LHFPL3: variants seen among roughly 807,000 people sequenced by gnomAD.
LHFPL3 encodes the protein LHFPL tetraspan subfamily member 3 protein.
Under a neutral mutation model 19.3 loss-of-function variants are expected in LHFPL3, and 5 were observed. The observed-to-expected ratio is 0.26, with a 90% CI of 0.14 to 0.54. LHFPL3 has a LOEUF of 0.54. Ranked by LOEUF, LHFPL3 falls within the 20% of genes least tolerant of loss-of-function variation. LHFPL3 has a pLI of 0.94. For missense variants in LHFPL3, 249 were observed against 307.4 expected (o/e 0.81, Z 1.42); for synonymous variants, 133 against 126.2 (o/e 1.05, Z -0.36).
intron 1 of LHFPL3, among the ~76,000 whole-genome samples, chr7:104,388,400 T>G (rs1790992726): frequency 6.6e-6 from 1 of 151,760 alleles, no homozygotes; most frequent in South Asian, 2.1e-4. Context: ...GGATCCTCAA[T>G]AAGACATACA....
chr7:104,905,889 G>A (rs1792589663), intron 2 of LHFPL3, among the ~76,000 whole-genome samples: 2 of 152,220 alleles, frequency 1.3e-5, no homozygotes, highest in South Asian at 4.1e-4. Context: ...AGAAAAGTCA[G>A]TGATACTTGG....
At chr7:104,646,766 C>CA (rs1232187597) in intron 1 of LHFPL3, among the ~76,000 whole-genome samples, 3 of 152,274 alleles carry the variant, frequency 2.0e-5, no homozygotes, top group Admixed American at 1.3e-4. Flanking sequence ...ACTTAGAATA[C>CA]AGAAATGAAA....
chr7:104,884,119 T>TA (rs1792103154), intron 2 of LHFPL3, among the ~76,000 whole-genome samples: 1 of 152,162 alleles, frequency 6.6e-6, no homozygotes, highest in Non-Finnish European at 1.5e-5. Flanking sequence ...AGCTCATTAA[T>TA]ACCTATACCG....
chr7:104,665,729 C>T (rs1792320231), intron 1 of LHFPL3, among the ~76,000 whole-genome samples: 1 of 152,214 alleles, frequency 6.6e-6, no homozygotes, highest in African/African-American at 2.4e-5. Flanking sequence ...ATTTCAGATG[C>T]ATGAAAGATG....
At chr7:104,901,554 C>CTTTTTTGT (rs74923760) in intron 2 of LHFPL3, among the ~76,000 whole-genome samples, 72,027 of 150,712 alleles carry the variant, frequency 0.48, 17,885 homozygotes, top group African/African-American at 0.59. Context: ...AGGGGGCAAG[C>CTTTTTTGT]TTTTTTGTTT....
chr7:104,403,626 C>A (rs959034778), intron 1 of LHFPL3, among the ~76,000 whole-genome samples: 2 of 152,026 alleles, frequency 1.3e-5, no homozygotes, highest in Non-Finnish European at 2.9e-5. Context: ...TTAAAAATAT[C>A]TTTGGAGGAA....
At chr7:104,883,495 A>G (rs1194808952) in intron 2 of LHFPL3, among the ~76,000 whole-genome samples, 1 of 152,230 alleles carries the variant, frequency 6.6e-6, no homozygotes, top group Non-Finnish European at 1.5e-5. Context: ...CAGGCCTAGT[A>G]GAATACAGAA....
At chr7:104,376,961 A>G (rs900548686) in intron 1 of LHFPL3, among the ~76,000 whole-genome samples, 4 of 152,290 alleles carry the variant, frequency 2.6e-5, no homozygotes, top group East Asian at 1.9e-4. Flanking sequence ...ATTTTTATGC[A>G]TGATTTACAA....
At chr7:104,347,694 C>T (rs1157941546) in intron 1 of LHFPL3, among the ~76,000 whole-genome samples, 1 of 152,106 alleles carries the variant, frequency 6.6e-6, no homozygotes, top group Non-Finnish European at 1.5e-5. Context: ...AAGTTCAAGA[C>T]CAGCCTGGCC....
At chr7:104,661,740 A>T (rs1792226868) in intron 1 of LHFPL3, among the ~76,000 whole-genome samples, 1 of 152,180 alleles carries the variant, frequency 6.6e-6, no homozygotes. Flanking sequence ...AATTTCATGG[A>T]TGGAAGATTC....
At chr7:104,483,612 C>G (rs1311684685) in intron 1 of LHFPL3, among the ~76,000 whole-genome samples, 2 of 152,040 alleles carry the variant, frequency 1.3e-5, no homozygotes, top group Non-Finnish European at 2.9e-5. Flanking sequence ...GTATTTTATG[C>G]ATGTAGTCAT....
chr7:104,815,994 T>A (rs145405430), intron 2 of LHFPL3, among the ~76,000 whole-genome samples: 1,627 of 152,130 alleles, frequency 0.011, 12 homozygotes, highest in South Asian at 0.023. Context: ...ACCACCACAT[T>A]CCATATAGAC....
intron 1 of LHFPL3, among the ~76,000 whole-genome samples, chr7:104,618,747 C>A (rs1478437865): frequency 6.6e-6 from 1 of 151,936 alleles, no homozygotes; most frequent in South Asian, 2.1e-4. Context: ...GTGAAACTTA[C>A]AAGATTCAGA....
rs147717384 is a variant in LHFPL3, at chr7:104,770,445, A to G, written c.682+33534A>G. On this transcript the variant is annotated intron_variant, in intron 2 of 2. Transcript: ENST00000424859. ...AGAAGGTAAAAGATTGGAGAAGTAT[A>G]CCATTAACACTGGCATTTACATAGC... 8.8e-4 allele frequency among the ~76,000 whole-genome samples: 134 copies of G among 152,370 alleles called. 1 individual carries two copies. The highest frequency in any genetic ancestry group is 3.1e-3 in the African/African-American group (128 of 41,588).
chr7:104,482,743 G>A (rs529063860), intron 1 of LHFPL3, among the ~76,000 whole-genome samples: 7 of 152,302 alleles, frequency 4.6e-5, no homozygotes, highest in African/African-American at 1.7e-4. Context: ...AACCCAAAAG[G>A]CAGCTGGCAA....
chr7:104,737,009 T>A, intron 2 of LHFPL3, 98 bp downstream of exon 2: 1 of 905,262 alleles, frequency 1.1e-6, no homozygotes, highest in South Asian at 1.6e-5. Flanking sequence ...TCCCCTGAGG[T>A]TCTAATTTGC....
chr7:104,611,210 G>A (rs923634328), intron 1 of LHFPL3, among the ~76,000 whole-genome samples: 2 of 152,192 alleles, frequency 1.3e-5, no homozygotes, highest in Admixed American at 6.6e-5. Context: ...GTGGGCATTA[G>A]ATAACAATAA....
intron 1 of LHFPL3, among the ~76,000 whole-genome samples, chr7:104,666,562 C>T (rs1353237135): frequency 1.1e-5 from 1 of 91,072 alleles, no homozygotes; most frequent in Non-Finnish European, 2.2e-5. Flanking sequence ...CGCTCTGTCG[C>T]CCAGGCTGGA....
chr7:104,385,638 A>G (rs1449628264), intron 1 of LHFPL3, among the ~76,000 whole-genome samples: 1 of 152,124 alleles, frequency 6.6e-6, no homozygotes, highest in African/African-American at 2.4e-5. Flanking sequence ...TCACTCAGTC[A>G]ATCATTCATT....
Sources: allele counts gnomAD v4.1 joint callset (sites outside exome capture counted in the v4.1 genomes callset), GRCh38; gene constraint gnomAD v4.1.1; transcripts MANE v1.5; gene names NCBI Gene and HGNC (gene_info 2026-07-23, HGNC 2026-07-21).